RBFOX1: variants seen among roughly 807,000 people sequenced by gnomAD.
RBFOX1 encodes RNA binding fox-1 homolog 1.
A neutral mutation model predicts 57.7 loss-of-function variants in RBFOX1; 8 were observed. That is an observed-to-expected ratio of 0.14 (90% CI 0.08 to 0.25). The LOEUF is 0.25. Ranked by LOEUF, RBFOX1 falls within the 10% of genes least tolerant of loss-of-function variation. The pLI is 1.00. For missense variants in RBFOX1, 611 were observed against 548.5 expected (o/e 1.11, Z -1.14); for synonymous variants, 326 against 222.4 (o/e 1.47, Z -4.15).
At chr16:7,072,847 A>C (rs557644260) in intron 4 of RBFOX1, among the ~76,000 whole-genome samples, 1 of 152,218 alleles carries the variant, frequency 6.6e-6, no homozygotes, top group Non-Finnish European at 1.5e-5. Context: ...CGTCTTGAAC[A>C]TAAGTGCTCT....
intron 4 of RBFOX1, among the ~76,000 whole-genome samples, chr16:5,899,511 G>A (rs1333758042): frequency 6.6e-6 from 1 of 152,184 alleles, no homozygotes; most frequent in Non-Finnish European, 1.5e-5. Flanking sequence ...GACTAGCTAG[G>A]AAGAGTGGGG....
chr16:6,701,189 C>T (rs986375094), intron 3 of RBFOX1, among the ~76,000 whole-genome samples: 3 of 151,816 alleles, frequency 2.0e-5, no homozygotes, highest in African/African-American at 7.3e-5. Flanking sequence ...TGGGACTTTA[C>T]CTCCTACCTC....
At chr16:6,471,576 T>G (rs1001319143) in intron 2 of RBFOX1, among the ~76,000 whole-genome samples, 7 of 105,510 alleles carry the variant, frequency 6.6e-5, no homozygotes, top group African/African-American at 2.0e-4. Flanking sequence ...ATGCTTATAA[T>G]TGGAAAAAAA....
intron 4 of RBFOX1, among the ~76,000 whole-genome samples, chr16:7,116,082 G>C (rs554665281): frequency 1.3e-5 from 2 of 152,074 alleles, no homozygotes; most frequent in Non-Finnish European, 2.9e-5. Flanking sequence ...AGTGGGTACC[G>C]ATCAGTACCC....
intron 3 of RBFOX1, among the ~76,000 whole-genome samples, chr16:6,814,873 C>T (rs1222857563): frequency 1.3e-5 from 2 of 152,000 alleles, no homozygotes; most frequent in Non-Finnish European, 2.9e-5. Context: ...GTTCTTGGAC[C>T]TTGCACAGAA....
intron 14 of RBFOX1, among the ~76,000 whole-genome samples, chr16:7,708,359 T>A (rs575521138): frequency 1.3e-5 from 2 of 152,184 alleles, no homozygotes; most frequent in Admixed American, 6.5e-5. Flanking sequence ...GGTAGTAGGA[T>A]GGTAGAGAGA....
intron 3 of RBFOX1, among the ~76,000 whole-genome samples, chr16:6,913,786 G>A (rs1283527435): frequency 1.3e-5 from 2 of 152,190 alleles, no homozygotes; most frequent in African/African-American, 4.8e-5. Context: ...TATTGAGTCT[G>A]AAACACACAG....
intron 1 of RBFOX1, among the ~76,000 whole-genome samples, chr16:6,270,236 A>C (rs1193760095): frequency 6.6e-6 from 1 of 152,156 alleles, no homozygotes; most frequent in African/African-American, 2.4e-5. Context: ...CTAACATACC[A>C]ATAATTACAT....
Position 7,051,470 on chromosome 16 carries a change from C to T in RBFOX1, c.-15-587C>T, listed in dbSNP as rs529035534. On this transcript the variant is annotated intron_variant, in intron 3 of 15. Coordinates refer to ENST00000550418, the MANE Select transcript of RBFOX1 (RefSeq NM_018723.4). ...AATACCCACTTTCCTATCTGATGGC[C>T]GATACCAGAAACCTATCAGGATCTC... 5.0e-4 allele frequency among the ~76,000 whole-genome samples: 76 copies of T among 152,306 alleles called. 1 individual carries two copies. In the South Asian group the frequency reaches 0.014, roughly 28 times the overall value.
intron 3 of RBFOX1, among the ~76,000 whole-genome samples, chr16:6,925,334 A>C (rs1418083333): frequency 6.6e-6 from 1 of 151,334 alleles, no homozygotes; most frequent in Non-Finnish European, 1.5e-5. Flanking sequence ...CCTGTTGGCC[A>C]GGCTGGTCTT....
chr16:6,491,989 A>G (rs1392781317), intron 2 of RBFOX1, among the ~76,000 whole-genome samples: 1 of 152,142 alleles, frequency 6.6e-6, no homozygotes, highest in Non-Finnish European at 1.5e-5. Context: ...TTTTGGGTAG[A>G]TGGGTGGATG....
chr16:7,385,958 A>ATTTC (rs898848184), intron 4 of RBFOX1, among the ~76,000 whole-genome samples: 4 of 142,158 alleles, frequency 2.8e-5, no homozygotes, highest in Non-Finnish European at 4.6e-5. Flanking sequence ...TTATTTATTT[A>ATTTC]TTTTTTATTT....
intron 1 of RBFOX1, among the ~76,000 whole-genome samples, chr16:6,263,413 A>C (rs963315215): frequency 1.3e-5 from 2 of 152,296 alleles, no homozygotes; most frequent in African/African-American, 4.8e-5. Context: ...TGATAAACAC[A>C]TTCAATTGGT....
At chr16:5,937,476 G>A (rs1316776360) in intron 4 of RBFOX1, among the ~76,000 whole-genome samples, 1 of 151,992 alleles carries the variant, frequency 6.6e-6, no homozygotes, top group Non-Finnish European at 1.5e-5. Context: ...CCTGGAATAA[G>A]CAGGAATTTT....
At chr16:6,320,847 G>A (rs928668743) in intron 2 of RBFOX1, among the ~76,000 whole-genome samples, 1 of 152,140 alleles carries the variant, frequency 6.6e-6, no homozygotes, top group Non-Finnish European at 1.5e-5. Context: ...AGGCTGGAGT[G>A]CAGTGGCACG....
intron 4 of RBFOX1, among the ~76,000 whole-genome samples, chr16:5,973,159 T>C (rs1424272613): frequency 2.0e-5 from 3 of 152,216 alleles, no homozygotes; most frequent in African/African-American, 7.2e-5. Context: ...ATGTGATATC[T>C]ATATTTAGGA....
intron 2 of RBFOX1, among the ~76,000 whole-genome samples, chr16:6,566,049 GAACA>G (rs1445830597): frequency 4.6e-5 from 7 of 152,210 alleles, no homozygotes; most frequent in Non-Finnish European, 7.3e-5. Flanking sequence ...CCAGGACAGA[GAACA>G]AACAGAGTTA....
chr16:6,884,360 G>C (rs1324896470), intron 3 of RBFOX1, among the ~76,000 whole-genome samples: 4 of 152,150 alleles, frequency 2.6e-5, no homozygotes, highest in South Asian at 4.1e-4. Context: ...AAAGTCACTT[G>C]ACAACAGTTG....
At chr16:6,843,095 T>A (rs757904588) in intron 3 of RBFOX1, among the ~76,000 whole-genome samples, 5 of 152,190 alleles carry the variant, frequency 3.3e-5, no homozygotes, top group Admixed American at 6.5e-5. Flanking sequence ...CAAGATTTAC[T>A]ATTGTAAATA....
Sources: allele counts gnomAD v4.1 joint callset (sites outside exome capture counted in the v4.1 genomes callset), GRCh38; gene constraint gnomAD v4.1.1; transcripts MANE v1.5; gene names NCBI Gene and HGNC (gene_info 2026-07-23, HGNC 2026-07-21).